The following HLCS variants were observed in gnomAD, a reference collection of about 807,000 sequenced individuals.
HLCS encodes the protein holocarboxylase synthetase, also known as biotin--protein ligase.
In HLCS, 53 loss-of-function variants were observed where a neutral mutation model predicts 75.0. The observed-to-expected ratio is 0.71, with a 90% CI of 0.57 to 0.89. The LOEUF (loss-of-function observed/expected upper bound fraction) is 0.89, where lower values mean the gene tolerates loss of function less well. Among genes scored for constraint, HLCS ranks in the 40% least tolerant of loss-of-function variants. The pLI, the probability that HLCS is intolerant of heterozygous loss-of-function variation, is 0.00. For synonymous variants in HLCS, 431 were observed against 428.6 expected, an observed-to-expected ratio of 1.01 and a Z score of -0.07; for missense variants, 966 against 1,074.0, an observed-to-expected ratio of 0.90 and a Z score of 1.41.
chr21:36,970,193 G>T (rs948831120), upstream of HLCS, among the ~76,000 whole-genome samples: 6 of 152,208 alleles, frequency 3.9e-5, no homozygotes, highest in Non-Finnish European at 8.8e-5. Context: ...AGAGCATTCA[G>T]AATTCTCATC....
chr21:36,794,770 T>A (rs2060976687), intron 6 of HLCS, among the ~76,000 whole-genome samples: 1 of 151,986 alleles, frequency 6.6e-6, no homozygotes, highest in East Asian at 1.9e-4. Context: ...ATTTTGAAAG[T>A]GGAACAAAGA....
upstream of HLCS, among the ~76,000 whole-genome samples, chr21:36,966,853 T>C (rs1569263086): frequency 7.8e-6 from 1 of 128,630 alleles, no homozygotes; most frequent in Admixed American, 7.5e-5. Context: ...GGCTGTGTGA[T>C]GGGGAGCTCC....
At chr21:36,890,509 C>T (rs1161341163) in intron 6 of HLCS, among the ~76,000 whole-genome samples, 1 of 152,180 alleles carries the variant, frequency 6.6e-6, no homozygotes, top group African/African-American at 2.4e-5. Context: ...CCCTGTGCTA[C>T]TTCCTCTCCC....
intron 6 of HLCS, among the ~76,000 whole-genome samples, chr21:36,850,281 A>G (rs2062946575): frequency 6.6e-6 from 1 of 152,246 alleles, no homozygotes; most frequent in Non-Finnish European, 1.5e-5. Context: ...TCTCTACTAA[A>G]GAAGGGACTC....
intron 6 of HLCS, among the ~76,000 whole-genome samples, chr21:36,826,504 C>T (rs1172738250): frequency 1.3e-5 from 2 of 152,198 alleles, no homozygotes; most frequent in South Asian, 2.1e-4. Context: ...CTTTTCTTGC[C>T]TTCATGCTTC....
At chr21:36,833,437 A>G (rs1393254123) in intron 6 of HLCS, among the ~76,000 whole-genome samples, 1 of 151,694 alleles carries the variant, frequency 6.6e-6, no homozygotes, top group African/African-American at 2.4e-5. Flanking sequence ...ATACAAAAAT[A>G]AGCCAGATGT....
intron 6 of HLCS, among the ~76,000 whole-genome samples, chr21:36,778,581 G>A (rs1231040341): frequency 6.6e-6 from 1 of 152,156 alleles, no homozygotes; most frequent in Non-Finnish European, 1.5e-5. Context: ...GCCTGGCCTT[G>A]AATCAATTAT....
At chr21:36,761,921 G>T (rs2089862004) in intron 8 of HLCS, among the ~76,000 whole-genome samples, 1 of 152,238 alleles carries the variant, frequency 6.6e-6, no homozygotes, top group African/African-American at 2.4e-5. Context: ...GCCTGGGCGG[G>T]CCCTGCACTT....
intron 6 of HLCS, among the ~76,000 whole-genome samples, chr21:36,775,086 T>C (rs2060316092): frequency 1.3e-5 from 2 of 152,128 alleles, no homozygotes. Context: ...GCCATCACAA[T>C]CCTCCCACTG....
At chr21:36,913,818 CT>C (rs945306625) in intron 5 of HLCS, among the ~76,000 whole-genome samples, 1 of 152,174 alleles carries the variant, frequency 6.6e-6, no homozygotes, top group Admixed American at 6.5e-5. Flanking sequence ...GCTGTGCCTA[CT>C]TAGACAAGGC....
At chr21:36,851,358 T>C (rs2063000029) in intron 6 of HLCS, among the ~76,000 whole-genome samples, 1 of 152,196 alleles carries the variant, frequency 6.6e-6, no homozygotes, top group African/African-American at 2.4e-5. Context: ...CAAAAAAGAA[T>C]GCGATATTGT....
chr21:36,916,517 A>AT (rs1569188583), intron 5 of HLCS, among the ~76,000 whole-genome samples: 1 of 136,540 alleles, frequency 7.3e-6, no homozygotes, highest in African/African-American at 2.8e-5. Context: ...ATGCCTAGCT[A>AT]ATTTTTTTTT....
intron 6 of HLCS, among the ~76,000 whole-genome samples, chr21:36,790,275 GCA>G (rs2060820890): frequency 6.6e-6 from 1 of 152,104 alleles, no homozygotes; most frequent in South Asian, 2.1e-4. Flanking sequence ...GTGGTGGGGT[GCA>G]CCTGTAATCC....
intron 6 of HLCS, among the ~76,000 whole-genome samples, chr21:36,872,599 G>A (rs768188212): frequency 6.6e-6 from 1 of 152,138 alleles, no homozygotes; most frequent in Non-Finnish European, 1.5e-5. Context: ...AAATGGAATA[G>A]CACACTATGT....
At chr21:36,954,771 C>T (rs561482899) in intron 2 of HLCS, among the ~76,000 whole-genome samples, 7 of 151,028 alleles carry the variant, frequency 4.6e-5, no homozygotes, top group African/African-American at 1.7e-4. Flanking sequence ...CAAAACAAAA[C>T]AAAAAAAACA....
chr21:36,859,211 C>T (rs537085304), intron 6 of HLCS, among the ~76,000 whole-genome samples: 5 of 152,010 alleles, frequency 3.3e-5, no homozygotes, highest in Admixed American at 6.5e-5. Flanking sequence ...TTAGTAGAGA[C>T]GGGGTTTCAC....
At chr21:36,763,292 G>A (rs2089917722) in intron 8 of HLCS, among the ~76,000 whole-genome samples, 1 of 152,186 alleles carries the variant, frequency 6.6e-6, no homozygotes, top group African/African-American at 2.4e-5. Flanking sequence ...TTACAGGCAT[G>A]AGCCACCGCG....
intron 6 of HLCS, among the ~76,000 whole-genome samples, chr21:36,853,108 C>G (rs1386349728): frequency 1.3e-5 from 2 of 152,160 alleles, no homozygotes; most frequent in African/African-American, 4.8e-5. Flanking sequence ...TGAAAATGTC[C>G]TAAAATAGAG....
chr21:36,824,454 G>C (rs1472960571), intron 6 of HLCS, among the ~76,000 whole-genome samples: 2 of 152,166 alleles, frequency 1.3e-5, no homozygotes, highest in African/African-American at 4.8e-5. Context: ...AGGGAAAAGG[G>C]GAGGGAGAGC....
Sources: gnomAD v4.1 joint callset for allele counts (sites outside exome capture counted in the v4.1 genomes callset) on GRCh38, gnomAD v4.1.1 for gene constraint, MANE v1.5 for transcripts, NCBI Gene and HGNC (gene_info 2026-07-23, HGNC 2026-07-21) for gene names.